Variants in NRCAM observed in about 807,000 individuals in gnomAD.
NRCAM encodes the protein neuronal cell adhesion molecule.
In NRCAM, 83 loss-of-function variants were observed where a neutral mutation model predicts 156.5. The ratio of observed to expected loss-of-function variants is 0.53; its 90% CI spans 0.44 to 0.64. The LOEUF (loss-of-function observed/expected upper bound fraction) is 0.64, where lower values mean the gene tolerates loss of function less well. Among genes scored for constraint, NRCAM ranks in the 30% least tolerant of loss-of-function variants. NRCAM has a pLI of 0.00. For missense variants in NRCAM, 1,417 were observed against 1,597.3 expected, an observed-to-expected ratio of 0.89 and a Z score of 1.92; for synonymous variants, 538 against 563.9, an observed-to-expected ratio of 0.95 and a Z score of 0.65.
intron 2 of NRCAM, among the ~76,000 whole-genome samples, chr7:108,364,386 AC>A (rs2099578862): frequency 2.0e-5 from 3 of 152,158 alleles, no homozygotes; most frequent in African/African-American, 7.2e-5. Flanking sequence ...AGAAAATGAA[AC>A]CCTCATACAT....
chr7:108,395,217 A>T (rs1303313744), intron 2 of NRCAM, among the ~76,000 whole-genome samples: 1 of 152,252 alleles, frequency 6.6e-6, no homozygotes, highest in Non-Finnish European at 1.5e-5. Flanking sequence ...TCTCATTTTC[A>T]TGAGTAGCAA....
intron 30 of NRCAM, among the ~76,000 whole-genome samples, chr7:108,162,614 G>A (rs2151485850): frequency 1.3e-5 from 2 of 152,354 alleles, no homozygotes; most frequent in Middle Eastern, 6.8e-3. Flanking sequence ...CTGGCAGTTT[G>A]CTGCTATGCA....
At chr7:108,376,949 G>C (rs1363204460) in intron 2 of NRCAM, among the ~76,000 whole-genome samples, 1 of 152,144 alleles carries the variant, frequency 6.6e-6, no homozygotes, top group Non-Finnish European at 1.5e-5. Flanking sequence ...CAGATTACTT[G>C]AGCCCAGGAG....
At chr7:108,432,106 G>T (rs1371589245) in intron 1 of NRCAM, among the ~76,000 whole-genome samples, 1 of 152,178 alleles carries the variant, frequency 6.6e-6, no homozygotes, top group Non-Finnish European at 1.5e-5. Context: ...GCAGTTGCTG[G>T]ATTTGTTTGG....
intron 13 of NRCAM, among the ~76,000 whole-genome samples, chr7:108,200,982 A>C (rs2077705068): frequency 6.6e-6 from 1 of 152,068 alleles, no homozygotes; most frequent in Non-Finnish European, 1.5e-5. Flanking sequence ...TGGGGTCTCA[A>C]AGGAAAGTGT....
intron 3 of NRCAM, among the ~76,000 whole-genome samples, chr7:108,298,361 AC>A (rs2098496682): frequency 6.6e-6 from 1 of 151,686 alleles, no homozygotes; most frequent in African/African-American, 2.4e-5. Context: ...CGCCAAAAAA[AC>A]CCGCAGGGCA....
At chr7:108,344,895 G>T (rs1021979668) in intron 2 of NRCAM, among the ~76,000 whole-genome samples, 1 of 152,070 alleles carries the variant, frequency 6.6e-6, no homozygotes, top group Admixed American at 6.6e-5. Flanking sequence ...TAGAAATTAG[G>T]GCATCATTCT....
At chr7:108,177,908 A>C (rs2061559521) in intron 26 of NRCAM, 82 bp downstream of exon 26, 17 of 1,287,616 alleles carry the variant, frequency 1.3e-5, no homozygotes, top group Non-Finnish European at 1.7e-5. Context: ...GTACCCCATG[A>C]GGAGGTATAA....
intron 23 of NRCAM, 118 bp downstream of exon 23, chr7:108,182,577 A>T (rs1389697549): frequency 5.1e-6 from 4 of 782,872 alleles, no homozygotes; most frequent in East Asian, 2.7e-5. Context: ...AATTCAGAGA[A>T]GTCGTGCAAA....
At chr7:108,418,464 G>A (rs533562006) in intron 1 of NRCAM, among the ~76,000 whole-genome samples, 1 of 152,134 alleles carries the variant, frequency 6.6e-6, no homozygotes, top group Admixed American at 6.5e-5. Flanking sequence ...ATTCTGACTT[G>A]AAGTGGTCAG....
chr7:108,399,790 G>T (rs1441673901), intron 1 of NRCAM, among the ~76,000 whole-genome samples, 197 bp from the exon 2 acceptor site: 2 of 152,056 alleles, frequency 1.3e-5, no homozygotes, highest in African/African-American at 4.8e-5. Context: ...AACTTAATAG[G>T]AACAGGTAAT....
chr7:108,193,357 TG>T (rs2073232346), intron 17 of NRCAM, among the ~76,000 whole-genome samples: 1 of 152,172 alleles, frequency 6.6e-6, no homozygotes, highest in Non-Finnish European at 1.5e-5. Context: ...ACCACACAAA[TG>T]ATTTCGACCA....
At chr7:108,313,500 A>G (rs2098833052) in intron 2 of NRCAM, among the ~76,000 whole-genome samples, 1 of 152,194 alleles carries the variant, frequency 6.6e-6, no homozygotes, top group African/African-American at 2.4e-5. Flanking sequence ...GAGAAGAGAA[A>G]CAAGTGTCAA....
chr7:108,210,990 T>C (rs1241725641), intron 11 of NRCAM, among the ~76,000 whole-genome samples: 1 of 152,182 alleles, frequency 6.6e-6, no homozygotes, highest in Non-Finnish European at 1.5e-5. Flanking sequence ...ATGTGGAGGC[T>C]TGCATCGTGA....
At chr7:108,350,553 G>C (rs945782104) in intron 2 of NRCAM, among the ~76,000 whole-genome samples, 1 of 152,150 alleles carries the variant, frequency 6.6e-6, no homozygotes, top group African/African-American at 2.4e-5. Flanking sequence ...ACCTCCCGAA[G>C]CTTGCAGTAG....
At chr7:108,400,358 C>T (rs757392893) in intron 1 of NRCAM, among the ~76,000 whole-genome samples, 22 of 152,144 alleles carry the variant, frequency 1.4e-4, no homozygotes, top group Non-Finnish European at 3.1e-4. Context: ...GAGCAGAAAC[C>T]ACGAGTTCTA....
At chr7:108,207,455 C>T in intron 13 of NRCAM, 73 bp downstream of exon 13, 1 of 1,456,728 alleles carries the variant, frequency 6.9e-7, no homozygotes, top group Non-Finnish European at 9.3e-7. Flanking sequence ...TTTTTTATCA[C>T]CATTTATTCA....
chr7:108,204,686 C>G (rs2080112470), intron 13 of NRCAM, among the ~76,000 whole-genome samples: 1 of 152,172 alleles, frequency 6.6e-6, no homozygotes, highest in Non-Finnish European at 1.5e-5. Context: ...TGAGGCACAC[C>G]AGAGGGTGAG....
intron 3 of NRCAM, among the ~76,000 whole-genome samples, chr7:108,289,454 C>T (rs573937316): frequency 3.3e-5 from 5 of 152,158 alleles, no homozygotes; most frequent in South Asian, 4.1e-4. Context: ...ATTATAGTCA[C>T]GATGTTGTAC....
Sources: allele counts gnomAD v4.1 joint callset (sites outside exome capture counted in the v4.1 genomes callset), GRCh38; gene constraint gnomAD v4.1.1; transcripts MANE v1.5; gene names NCBI Gene and HGNC (gene_info 2026-07-23, HGNC 2026-07-21).